Variants in CR2 observed in about 807,000 individuals in gnomAD.
CR2 encodes the protein complement C3d receptor 2, also known as complement receptor type 2.
CR2 carries 96 observed loss-of-function variants against 123.0 expected under a neutral mutation model. That is an observed-to-expected ratio of 0.78 (90% CI 0.66 to 0.93). The LOEUF (loss-of-function observed/expected upper bound fraction) is 0.93. Among genes scored for constraint, CR2 ranks in the 40% least tolerant of loss-of-function variants. The pLI is 0.00. For synonymous variants in CR2, 484 were observed against 469.5 expected (o/e 1.03, Z -0.40); for missense variants, 1,258 against 1,361.0 (o/e 0.92, Z 1.19).
intron 7 of CR2, 26 bp downstream of exon 7, chr1:207,470,942 T>C (rs1313747077): frequency 2.5e-6 from 4 of 1,613,686 alleles, no homozygotes; most frequent in African/African-American, 1.3e-5. Flanking sequence ...TGTAGACATT[T>C]TGTTAACTTT....
Position 207,469,745 on chromosome 1 carries a change from A to G in CR2, c.868A>G (p.Asn290Asp), listed in dbSNP as rs1253041917. ...PPILNGRHIGNSLANVSYGSI... is the reference protein window; with the variant it reads ...PPILNGRHIGDSLANVSYGSI... Reference sequence around the variant, plus strand: ...TATTCTCAATGGAAGACATATAGGCAACTCACTAGCAAATGTCTCATATGG... The same window carrying G: ...TATTCTCAATGGAAGACATATAGGCGACTCACTAGCAAATGTCTCATATGG... Residue 290 changes from asparagine (N) to aspartate (D), a missense_variant, in exon 6 of 20, where the codon AAC (asparagine) becomes GAC (aspartate). Transcript: ENST00000367057. The G allele has an allele frequency of 6.2e-7, 1 of 1,613,934 alleles. No homozygotes were observed. The highest frequency in any genetic ancestry group is 2.2e-5 in the East Asian group (1 of 44,874).
At chr1:207,479,616 T>C (rs1454090165) in intron 17 of CR2, among the ~76,000 whole-genome samples, 3 of 152,230 alleles carry the variant, frequency 2.0e-5, no homozygotes, top group Non-Finnish European at 2.9e-5. Context: ...TTAAATGTTA[T>C]GCAAAATTAT....
At chr1:207,478,166 G>A (rs1214232694) in intron 16 of CR2, 96 bp downstream of exon 16, 11 of 1,304,844 alleles carry the variant, frequency 8.4e-6, no homozygotes. Context: ...GTTTTAAATT[G>A]ACATAGGTTT....
In CR2 at chr1:207,454,436, G is replaced by C; in HGVS notation, c.18G>C (p.Leu6=). ...GCCGTGGCATGGGCGCCGCGGGCCT[G>C]CTCGGGGTTTTCTTGGCTCTCGTCG... MGAAG[L]LGVFLALVAP... The change falls in exon 1 of 20, where the codon CTG becomes CTC. Residue 6 remains leucine (L), a synonymous_variant. Transcript: ENST00000367057. This position sits in a 1 kb window ranked among gnomAD's most constrained non-coding sequence, Gnocchi z 4.3. 6.3e-7 allele frequency: 1 copy of C among 1,585,220 alleles called. No homozygotes were observed. Among genetic ancestry groups the C allele is most frequent in the Non-Finnish European group, 8.5e-7 (1 of 1,172,210 alleles).
intron 19 of CR2, among the ~76,000 whole-genome samples, chr1:207,486,545 G>A (rs140513923): frequency 6.9e-5 from 9 of 130,038 alleles, no homozygotes; most frequent in African/African-American, 2.6e-4. Flanking sequence ...TTAAGGAGAG[G>A]AGCAACACAT....
chr1:207,475,908 G>A (rs1429053652), intron 14 of CR2, among the ~76,000 whole-genome samples: 2 of 152,194 alleles, frequency 1.3e-5, no homozygotes, highest in Non-Finnish European at 2.9e-5. Context: ...CCTAGCTCTC[G>A]TAGACATTTG....
At chr1:207,485,652 C>T (rs772325173) in intron 19 of CR2, 80 bp downstream of exon 19, 15 of 804,096 alleles carry the variant, frequency 1.9e-5, no homozygotes, top group African/African-American at 1.5e-4. Flanking sequence ...GTAGCATTCA[C>T]GGTGTATATA....
chr1:207,483,807 C>T (rs1485253970), intron 18 of CR2, among the ~76,000 whole-genome samples: 3 of 151,978 alleles, frequency 2.0e-5, no homozygotes, highest in Non-Finnish European at 4.4e-5. Context: ...TGATTTAGGG[C>T]TTGGGAGAAG....
intron 18 of CR2, among the ~76,000 whole-genome samples, chr1:207,480,577 G>A (rs1350069322): frequency 6.6e-6 from 1 of 152,088 alleles, no homozygotes; most frequent in East Asian, 1.9e-4. Context: ...TAGCACCTCT[G>A]GCTAAACCTT....
chr1:207,460,983 A>T (rs1026273044), intron 1 of CR2, among the ~76,000 whole-genome samples: 1 of 152,128 alleles, frequency 6.6e-6, no homozygotes, highest in African/African-American at 2.4e-5. Context: ...AATTTTCAGG[A>T]TCATATGTGT....
intron 6 of CR2, 104 bp downstream of exon 6, chr1:207,470,206 C>G (rs1658229322): frequency 8.3e-7 from 1 of 1,212,102 alleles, no homozygotes. Flanking sequence ...TTATACTTCC[C>G]TCAAATCTAC....
rs1218176842 is a variant in CR2, at chr1:207,473,027, A to G, written c.1826A>G (p.Asn609Ser). 1.2e-6 allele frequency: 2 copies of G among 1,613,876 alleles called. No individual in the cohort carries two copies. Among genetic ancestry groups the G allele is most frequent in the East Asian group, 2.2e-5 (1 of 44,892 alleles). Residue 609 changes from asparagine to serine, a missense_variant, in exon 10 of 20, where the codon AAT (asparagine) becomes AGT (serine). Asn to Ser is a conservative substitution (Grantham distance 46). Transcript: ENST00000367057. ...CAGTGCTCACATGTCCATATTGCAA[A>G]TGGATACAAGATATCTGGCAAGGAA... ...AVQCSHVHIANGYKISGKEAP... is the reference protein window; with the variant it reads ...AVQCSHVHIASGYKISGKEAP...
At chr1:207,488,842 G>C (rs1275095175) in intron 19 of CR2, among the ~76,000 whole-genome samples, 1 of 152,186 alleles carries the variant, frequency 6.6e-6, no homozygotes, top group Non-Finnish European at 1.5e-5. Context: ...TTGAGGTACA[G>C]AGTACACCTA....
intron 15 of CR2, among the ~76,000 whole-genome samples, chr1:207,477,467 A>G (rs1166561116): frequency 1.3e-5 from 2 of 152,138 alleles, no homozygotes; most frequent in African/African-American, 4.8e-5. Context: ...TATCACTCAC[A>G]CTATTGATGA....
rs898964420 is a variant in CR2 at position 207,454,546 on chromosome 1, A to G, written c.58+70A>G. ...AGGGAAAGTTTCTGTGCCGCGATGCAAAGCAGGGGGCCAAAAGCGAGACGG... is the reference window on the plus strand; with the variant it reads ...AGGGAAAGTTTCTGTGCCGCGATGCGAAGCAGGGGGCCAAAAGCGAGACGG... On this transcript the variant is annotated intron_variant, in intron 1 of 19. Transcript: ENST00000367057. This position sits in a 1 kb window ranked among gnomAD's most constrained non-coding sequence, Gnocchi z 4.3. 2.6e-5 allele frequency: 32 copies of G among 1,233,472 alleles called. No individual in the cohort carries two copies. Among genetic ancestry groups the G allele is most frequent in the Admixed American group, 1.9e-4 (8 of 41,632 alleles). The allele number at this position is 1,233,472 out of a possible 1,614,324, so 76.4% of individuals were successfully genotyped here.
At chr1:207,482,467 T>C (rs1303938809) in intron 18 of CR2, among the ~76,000 whole-genome samples, 3 of 152,042 alleles carry the variant, frequency 2.0e-5, no homozygotes, top group Admixed American at 2.0e-4. Flanking sequence ...ATAGAAGTCA[T>C]GCGAAAAGAG....
chr1:207,471,007 TGAAGCTACAG>T lies in CR2; in HGVS notation c.1418_1427del (p.Ala473GlyfsTer4), dbSNP rs1372618296. ...AGTCTCTTTTCTTAGTGGCAGCGTGTGAAGCTACAGGAAGGCAACTCTTGACAAAACCCCA... is the reference window on the plus strand; with the variant it reads ...AGTCTCTTTTCTTAGTGGCAGCGTGTGAAGGCAACTCTTGACAAAACCCCA... On this transcript the variant is annotated frameshift_variant, in exon 8 of 20. Transcript: ENST00000367057. LOFTEE classifies it high-confidence loss of function. 1 of 1,613,884 alleles carries T rather than the reference TGAAGCTACAG, an allele frequency of 6.2e-7. No homozygotes were observed. The highest frequency in any genetic ancestry group is 1.7e-4 in the Middle Eastern group (1 of 6,054).
rs77276388 is a variant in CR2, at chr1:207,458,606, T to C, written c.58+4130T>C. ...GTTAGGCCTCTGCCTAAAATACTTG[T>C]ACCCAGCAATTTGCCTGGCTGCTTC... On this transcript the variant is annotated intron_variant, in intron 1 of 19. Coordinates refer to ENST00000367057, the MANE Select transcript of CR2 (RefSeq NM_001006658.3). Among the ~76,000 whole-genome samples, 1,404 of 152,314 alleles carry C rather than the reference T, an allele frequency of 9.2e-3. 26 individuals are homozygous for C. Among genetic ancestry groups the C allele is most frequent in the African/African-American group, 0.032 (1,348 of 41,572 alleles).
intron 18 of CR2, among the ~76,000 whole-genome samples, chr1:207,483,389 G>A (rs1572965880): frequency 6.6e-6 from 1 of 152,140 alleles, no homozygotes; most frequent in Non-Finnish European, 1.5e-5. Context: ...TAGGCTGGAG[G>A]CGGGAGGGTG....
Sources: gnomAD v4.1 joint callset for allele counts (sites outside exome capture counted in the v4.1 genomes callset) on GRCh38, gnomAD v4.1.1 for gene constraint, Gnocchi (gnomAD v3.1) non-coding constraint, MANE v1.5 for transcripts, NCBI Gene and HGNC (gene_info 2026-07-23, HGNC 2026-07-21) for gene names.